CACHD1: variants seen among roughly 807,000 people sequenced by gnomAD.
CACHD1 encodes the protein VWFA and cache domain-containing protein 1.
Under a neutral mutation model 138.7 loss-of-function variants are expected in CACHD1, and 71 were observed. The ratio of observed to expected loss-of-function variants is 0.51; its 90% CI spans 0.42 to 0.62. CACHD1 has a LOEUF of 0.62. CACHD1 is among the 20% of genes least tolerant of loss of function. The pLI, the probability that CACHD1 is intolerant of heterozygous loss-of-function variation, is 0.00. For synonymous variants in CACHD1, 578 were observed against 591.5 expected, an observed-to-expected ratio of 0.98 and a Z score of 0.33; for missense variants, 1,389 against 1,625.3, an observed-to-expected ratio of 0.85 and a Z score of 2.50.
chr1:64,628,785 A>T (rs1648202237), intron 4 of CACHD1, among the ~76,000 whole-genome samples: 1 of 152,234 alleles, frequency 6.6e-6, no homozygotes, highest in African/African-American at 2.4e-5. Context: ...TTTATGGATG[A>T]CATGAGATAA....
intron 4 of CACHD1, among the ~76,000 whole-genome samples, chr1:64,614,025 T>C (rs1337122231): frequency 6.6e-6 from 1 of 152,256 alleles, no homozygotes; most frequent in Non-Finnish European, 1.5e-5. Context: ...CAGTATTACC[T>C]TCATTCTGGT....
At chr1:64,616,527 G>C (rs1177152500) in intron 4 of CACHD1, among the ~76,000 whole-genome samples, 1 of 152,096 alleles carries the variant, frequency 6.6e-6, no homozygotes. Flanking sequence ...CATGCATTTT[G>C]GAATCTATAA....
intron 1 of CACHD1, among the ~76,000 whole-genome samples, chr1:64,526,750 C>T (rs999505166): frequency 5.3e-5 from 8 of 152,218 alleles, no homozygotes; most frequent in African/African-American, 9.6e-5. Context: ...GGCGCCCTGC[C>T]GTATGAGAGT....
At chr1:64,540,435 T>C (rs1646668761) in intron 1 of CACHD1, among the ~76,000 whole-genome samples, 1 of 152,132 alleles carries the variant, frequency 6.6e-6, no homozygotes, top group African/African-American at 2.4e-5. Context: ...GCCATGTGCA[T>C]TGTCATGAAT....
At chr1:64,539,514 G>A (rs1646661088) in intron 1 of CACHD1, among the ~76,000 whole-genome samples, 1 of 152,058 alleles carries the variant, frequency 6.6e-6, no homozygotes, top group Admixed American at 6.6e-5. Flanking sequence ...ATAATTATTG[G>A]CTTCAGGGCC....
chr1:64,591,791 C>T (rs1647108674), intron 3 of CACHD1, among the ~76,000 whole-genome samples: 1 of 152,160 alleles, frequency 6.6e-6, no homozygotes. Flanking sequence ...AGGGAGGAAT[C>T]ATAGGTGGCC....
intron 3 of CACHD1, among the ~76,000 whole-genome samples, chr1:64,583,008 G>A (rs1451166046): frequency 1.3e-5 from 2 of 152,088 alleles, no homozygotes; most frequent in Non-Finnish European, 2.9e-5. Flanking sequence ...CAATTTTCTA[G>A]TGCTACTTAG....
At position 64,675,484 on chromosome 1, in the gene CACHD1, C is replaced by T. The variant is rs1211052614; in HGVS notation, c.2811C>T (p.Gly937=). 3 of 1,613,688 alleles carry T rather than the reference C, an allele frequency of 1.9e-6. No homozygotes were observed. Among genetic ancestry groups the T allele is most frequent in the Non-Finnish European group, 2.5e-6 (3 of 1,179,644 alleles). The change falls in exon 20 of 27, where the codon GGC becomes GGT. Residue 937 remains glycine, a synonymous_variant. Coordinates refer to ENST00000651257, the MANE Select transcript of CACHD1 (RefSeq NM_020925.4). ...ARIPGTNAFV[G]IVNETCDSLA... Reference sequence around the variant, plus strand: ...TCCCAGGAACCAACGCGTTTGTTGGCATTGTCAACGAAACCTGCGACTCTC... The same window carrying T: ...TCCCAGGAACCAACGCGTTTGTTGGTATTGTCAACGAAACCTGCGACTCTC...
chr1:64,584,796 G>A (rs1455561456), intron 3 of CACHD1, among the ~76,000 whole-genome samples: 2 of 152,106 alleles, frequency 1.3e-5, no homozygotes, highest in Non-Finnish European at 2.9e-5. Context: ...ATATAGGAAC[G>A]AGTAAGAAGG....
chr1:64,689,474 A>G (rs985967672), intron 26 of CACHD1, among the ~76,000 whole-genome samples: 5 of 151,970 alleles, frequency 3.3e-5, no homozygotes, highest in African/African-American at 7.3e-5. Context: ...CCCTAGTTTA[A>G]TTCTCTATCC....
intron 1 of CACHD1, among the ~76,000 whole-genome samples, chr1:64,484,229 C>T (rs1317127180): frequency 1.3e-5 from 2 of 151,756 alleles, no homozygotes; most frequent in African/African-American, 2.4e-5. Context: ...AGGGGAGGGG[C>T]TGGGGGCCTA....
intron 3 of CACHD1, among the ~76,000 whole-genome samples, chr1:64,591,874 ATCTT>A (rs1165380964): frequency 2.0e-5 from 3 of 152,168 alleles, no homozygotes; most frequent in African/African-American, 7.2e-5. Flanking sequence ...GTACTCTCTC[ATCTT>A]TCTTAGTTAC....
At chr1:64,648,843 T>C (rs1648996281) in intron 9 of CACHD1, among the ~76,000 whole-genome samples, 1 of 152,130 alleles carries the variant, frequency 6.6e-6, no homozygotes, top group African/African-American at 2.4e-5. Flanking sequence ...GTTGTGAAGA[T>C]TAAATGCAAT....
At chr1:64,611,806 G>A (rs917782264) in intron 4 of CACHD1, among the ~76,000 whole-genome samples, 3 of 152,096 alleles carry the variant, frequency 2.0e-5, no homozygotes, top group African/African-American at 4.8e-5. Flanking sequence ...ACATTCTCAG[G>A]TATCTTTATA....
intron 26 of CACHD1, among the ~76,000 whole-genome samples, chr1:64,686,501 T>C (rs1650376049): frequency 6.6e-6 from 1 of 152,240 alleles, no homozygotes; most frequent in South Asian, 2.1e-4. Flanking sequence ...TTTTGGCCCA[T>C]AGTCTAAGAC....
rs185684751 is a variant in CACHD1 at position 64,482,689 on chromosome 1, G to T, written c.198+11747G>T. ...TGCCACTTCTGTAGTCTTCAGGGGG[G>T]TTAGCCTGTGTGCTAATTATGAACC... On this transcript the variant is annotated intron_variant, in intron 1 of 26. Coordinates refer to ENST00000651257, the MANE Select transcript of CACHD1 (RefSeq NM_020925.4). 1.4e-4 allele frequency among the ~76,000 whole-genome samples: 21 copies of T among 152,276 alleles called. No homozygotes were observed. In the East Asian group the frequency reaches 3.7e-3, roughly 27 times the overall value.
intron 4 of CACHD1, 74 bp downstream of exon 4, chr1:64,602,986 A>ATTT: frequency 5.5e-6 from 4 of 730,548 alleles, no homozygotes; most frequent in East Asian, 3.5e-5. Flanking sequence ...TATTGCTTCA[A>ATTT]TTTTTTTTTT....
chr1:64,523,224 G>A (rs1431273435), intron 1 of CACHD1, among the ~76,000 whole-genome samples: 1 of 152,166 alleles, frequency 6.6e-6, no homozygotes. Context: ...ATTTTATTCA[G>A]AAATAATCTA....
intron 4 of CACHD1, among the ~76,000 whole-genome samples, chr1:64,621,453 T>C (rs1171831896): frequency 6.6e-6 from 1 of 152,164 alleles, no homozygotes; most frequent in East Asian, 1.9e-4. Context: ...TGTAAATCTG[T>C]ATACTTCCTT....
Sources: gnomAD v4.1 joint callset for allele counts (sites outside exome capture counted in the v4.1 genomes callset) on GRCh38, gnomAD v4.1.1 for gene constraint, MANE v1.5 for transcripts, NCBI Gene and HGNC (gene_info 2026-07-23, HGNC 2026-07-21) for gene names.